SLC9D1: variants seen among roughly 807,000 people sequenced by gnomAD.
SLC9D1 encodes the protein putative LAG1-interacting protein.
the SLC9D1 span, chr13:113,503,354 T>A: frequency 3.0e-6 from 1 of 338,744 alleles, no homozygotes. Flanking sequence ...ATTGTGTGTG[T>A]GTGTGTGTGT....
chr13:113,548,859 G>C, the SLC9D1 span, among the ~76,000 whole-genome samples: 1 of 152,180 alleles, frequency 6.6e-6, no homozygotes, highest in East Asian at 1.9e-4. Context: ...TCGGACTCAC[G>C]GCCTTGTCTC....
the SLC9D1 span, among the ~76,000 whole-genome samples, chr13:113,523,011 G>A: frequency 1.1e-4 from 16 of 152,054 alleles, no homozygotes; most frequent in African/African-American, 2.7e-4. Flanking sequence ...ATAATTCCCC[G>A]TTGGTTTAGG....
At chr13:113,548,310 T>G in the SLC9D1 span, 1 of 1,614,046 alleles carries the variant, frequency 6.2e-7, no homozygotes, top group Non-Finnish European at 8.5e-7. Flanking sequence ...CAGTTTCTCC[T>G]GGCGGCGCTG....
At chr13:113,500,126 C>T in the SLC9D1 span, 24 of 1,535,718 alleles carry the variant, frequency 1.6e-5, no homozygotes, top group African/African-American at 2.7e-5. Context: ...AACCATCCCA[C>T]GTGCAGATCA....
chr13:113,504,610 C>T, the SLC9D1 span: 2 of 152,252 alleles, frequency 1.3e-5, no homozygotes, highest in Non-Finnish European at 2.9e-5. Flanking sequence ...TCCTGAGTTA[C>T]TGCACTTAGA....
the SLC9D1 span, chr13:113,495,742 G>T: frequency 6.2e-7 from 1 of 1,614,050 alleles, no homozygotes; most frequent in Non-Finnish European, 8.5e-7. Context: ...CGGGACAGCT[G>T]CAGGAAGCTC....
chr13:113,510,177 T>G, the SLC9D1 span: 1 of 1,441,392 alleles, frequency 6.9e-7, no homozygotes. Flanking sequence ...GTGAAGTCTG[T>G]GTGGTGTGGT....
chr13:113,516,157 G>T, the SLC9D1 span, among the ~76,000 whole-genome samples: 1 of 152,214 alleles, frequency 6.6e-6, no homozygotes, highest in African/African-American at 2.4e-5. Flanking sequence ...TAGAGTGGAG[G>T]TTAGTGTATG....
the SLC9D1 span, among the ~76,000 whole-genome samples, chr13:113,501,391 T>C: frequency 0.39 from 59,625 of 152,012 alleles, 12,897 homozygotes; most frequent in African/African-American, 0.58. Flanking sequence ...TTAAAGTATA[T>C]AGGAAGATGT....
chr13:113,492,822 C>T, the SLC9D1 span, among the ~76,000 whole-genome samples: 7 of 151,966 alleles, frequency 4.6e-5, no homozygotes, highest in African/African-American at 1.5e-4. Flanking sequence ...TGCTTGAACC[C>T]GGGAGGCAAA....
the SLC9D1 span, chr13:113,547,097 T>G: frequency 5.3e-6 from 3 of 568,908 alleles, no homozygotes; most frequent in Admixed American, 8.8e-5. Context: ...ATCAGACAGG[T>G]CATCCCAGGG....
At chr13:113,492,607 A>T in the SLC9D1 span, among the ~76,000 whole-genome samples, 3 of 152,212 alleles carry the variant, frequency 2.0e-5, no homozygotes, top group Non-Finnish European at 4.4e-5. Context: ...ATTGCTCAAG[A>T]TGCAGAAATT....
the SLC9D1 span, chr13:113,550,062 A>G: frequency 1.7e-5 from 3 of 179,590 alleles, no homozygotes; most frequent in South Asian, 3.8e-4. Context: ...ACGGATGTCT[A>G]TTTGCCTTTT....
At chr13:113,547,141 G>T in the SLC9D1 span, 41 of 641,806 alleles carry the variant, frequency 6.4e-5, no homozygotes, top group Non-Finnish European at 9.5e-5. Flanking sequence ...GGAAAGGGGC[G>T]GCTTTTTAGC....
chr13:113,529,812 T>C, the SLC9D1 span: 1 of 152,140 alleles, frequency 6.6e-6, no homozygotes, highest in Non-Finnish European at 1.5e-5. Context: ...ACGGTGGTGA[T>C]GGGGGTACAA....
the SLC9D1 span, chr13:113,529,049 A>G: frequency 1.3e-5 from 2 of 152,350 alleles, no homozygotes; most frequent in African/African-American, 4.8e-5. Context: ...GTAAAACTCA[A>G]ACACCACGTT....
At chr13:113,495,789 A>G in the SLC9D1 span, 1 of 1,614,188 alleles carries the variant, frequency 6.2e-7, no homozygotes, top group Non-Finnish European at 8.5e-7. Flanking sequence ...AGTTCTGAAC[A>G]AACTGAAAAC....
At chr13:113,531,941 G>T in the SLC9D1 span, among the ~76,000 whole-genome samples, 1 of 152,220 alleles carries the variant, frequency 6.6e-6, no homozygotes, top group African/African-American at 2.4e-5. Context: ...GCCGTTAGGG[G>T]CTTGGTCCTG....
the SLC9D1 span, among the ~76,000 whole-genome samples, chr13:113,538,788 G>A: frequency 3.3e-5 from 5 of 152,238 alleles, no homozygotes; most frequent in South Asian, 2.1e-4. Context: ...TGCGTCATCC[G>A]GAAGGCTGCC....
Sources: allele counts gnomAD v4.1 joint callset (sites outside exome capture counted in the v4.1 genomes callset), GRCh38; gene constraint gnomAD v4.1.1; transcripts MANE v1.5; gene names NCBI Gene and HGNC (gene_info 2026-07-23, HGNC 2026-07-21).